Variants in PHACTR1 observed in about 807,000 individuals in gnomAD.
PHACTR1 encodes RPEL repeat containing 1.
In PHACTR1, 16 loss-of-function variants were observed where a neutral mutation model predicts 69.2. The observed-to-expected ratio is 0.23, with a 90% confidence interval of 0.16 to 0.35. PHACTR1 has a LOEUF of 0.35. PHACTR1 is among the 10% of genes least tolerant of loss of function. The probability of loss-of-function intolerance (pLI) is 1.00; values close to 1 mark genes in which losing one functional copy is unlikely to be tolerated. For missense variants in PHACTR1, 510 were observed against 734.7 expected, an observed-to-expected ratio of 0.69 and a Z score of 3.54; for synonymous variants, 312 against 284.5, an observed-to-expected ratio of 1.10 and a Z score of -0.97.
intron 4 of PHACTR1, among the ~76,000 whole-genome samples, chr6:12,791,569 C>T (rs990045103): frequency 2.0e-5 from 3 of 152,198 alleles, no homozygotes; most frequent in African/African-American, 4.8e-5. Context: ...AGAAATGATG[C>T]GTGGTGAAAT....
intron 4 of PHACTR1, among the ~76,000 whole-genome samples, chr6:12,792,640 C>G (rs1255588624): frequency 6.6e-6 from 1 of 151,968 alleles, no homozygotes; most frequent in Non-Finnish European, 1.5e-5. Context: ...CTATTTGTGT[C>G]TTAGAAACTA....
intron 5 of PHACTR1, among the ~76,000 whole-genome samples, chr6:13,107,771 A>G (rs1816403400): frequency 6.6e-6 from 1 of 152,016 alleles, no homozygotes; most frequent in Non-Finnish European, 1.5e-5. Context: ...TTTTATTCAT[A>G]ATCAGTTTTC....
At chr6:13,015,738 C>T (rs1237588539) in intron 4 of PHACTR1, among the ~76,000 whole-genome samples, 1 of 152,124 alleles carries the variant, frequency 6.6e-6, no homozygotes, top group Non-Finnish European at 1.5e-5. Context: ...ATGCGGTATA[C>T]CCCGTCAATG....
intron 10 of PHACTR1, among the ~76,000 whole-genome samples, chr6:13,258,093 C>G (rs1056725505): frequency 6.6e-6 from 1 of 152,146 alleles, no homozygotes; most frequent in Non-Finnish European, 1.5e-5. Context: ...AGCAGTGGCT[C>G]ATGCCTGTAA....
At chr6:12,844,459 C>A (rs529903308) in intron 4 of PHACTR1, among the ~76,000 whole-genome samples, 4 of 151,898 alleles carry the variant, frequency 2.6e-5, no homozygotes, top group Admixed American at 2.6e-4. Context: ...AACTATCGCA[C>A]TGTGAGGTCA....
chr6:13,191,431 A>G (rs1372437077), intron 7 of PHACTR1, among the ~76,000 whole-genome samples: 1 of 152,206 alleles, frequency 6.6e-6, no homozygotes, highest in Admixed American at 6.5e-5. Flanking sequence ...AGGAGGCAGA[A>G]AGCAAGGAGA....
At position 12,915,506 on chromosome 6, in the gene PHACTR1, C is replaced by CAAA. The variant is rs1225757251; in HGVS notation, c.251-137847_251-137845dup. 1.8e-3 allele frequency among the ~76,000 whole-genome samples: 91 copies of CAAA among 50,152 alleles called. 2 individuals carry two copies. The highest frequency in any genetic ancestry group is 2.7e-3 in the Non-Finnish European group (66 of 24,584). The allele number at this position is 50,152 out of a possible 152,430, so 32.9% of individuals were successfully genotyped here. ...TGGGTGATAGAGTGAAACTCTCTCT[C>CAAA]AAAAAAAAAAAAAAGAAAAAAAAAA... is the stretch of plus-strand genomic sequence containing the variant. On this transcript the variant is annotated intron_variant, in intron 4 of 14. Coordinates refer to ENST00000332995, the MANE Select transcript of PHACTR1 (RefSeq NM_030948.6).
At chr6:13,041,899 T>G (rs1424456250) in intron 4 of PHACTR1, among the ~76,000 whole-genome samples, 1 of 152,190 alleles carries the variant, frequency 6.6e-6, no homozygotes, top group Non-Finnish European at 1.5e-5. Context: ...GCAAATCCCT[T>G]GACTCCTCTG....
chr6:12,764,308 A>G, intron 4 of PHACTR1, among the ~76,000 whole-genome samples: 1 of 152,118 alleles, frequency 6.6e-6, no homozygotes, highest in East Asian at 1.9e-4. Context: ...GGCTAGTGCA[A>G]TTTTCTTTCT....
intron 8 of PHACTR1, among the ~76,000 whole-genome samples, chr6:13,215,777 T>C (rs1187496184): frequency 6.6e-6 from 1 of 152,234 alleles, no homozygotes; most frequent in South Asian, 2.1e-4. Context: ...TTAACTGTAA[T>C]GTGAAATTTT....
intron 7 of PHACTR1, among the ~76,000 whole-genome samples, chr6:13,196,068 C>T (rs1225378346): frequency 1.3e-5 from 2 of 149,934 alleles, no homozygotes; most frequent in South Asian, 2.3e-4. Flanking sequence ...TTTATGAATA[C>T]ACTGCATCTC....
At chr6:13,234,932 C>A (rs531097870) in intron 10 of PHACTR1, among the ~76,000 whole-genome samples, 3 of 152,232 alleles carry the variant, frequency 2.0e-5, no homozygotes, top group Admixed American at 2.0e-4. Context: ...GGGTGCCAGG[C>A]AAAAATTGTA....
At chr6:13,007,429 A>G (rs1798915808) in intron 4 of PHACTR1, among the ~76,000 whole-genome samples, 1 of 152,144 alleles carries the variant, frequency 6.6e-6, no homozygotes. Context: ...ATAATTTTCA[A>G]CCTCTACCTA....
intron 5 of PHACTR1, among the ~76,000 whole-genome samples, chr6:13,070,946 T>A (rs996845780): frequency 7.2e-5 from 11 of 151,942 alleles, no homozygotes; most frequent in African/African-American, 2.7e-4. Flanking sequence ...TAATGAGGAT[T>A]TGGAACTTGT....
At chr6:12,845,429 A>ACCCCCCCCCCCCCCC (rs1214194071) in intron 4 of PHACTR1, among the ~76,000 whole-genome samples, 1 of 18,028 alleles carries the variant, frequency 5.5e-5, no homozygotes, top group Non-Finnish European at 9.9e-5. Flanking sequence ...AACACCACCC[A>ACCCCCCCCCCCCCCC]CCCCCCCCCC....
intron 4 of PHACTR1, among the ~76,000 whole-genome samples, chr6:12,885,293 G>T (rs1489660879): frequency 2.0e-5 from 3 of 152,214 alleles, no homozygotes; most frequent in Non-Finnish European, 4.4e-5. Flanking sequence ...ACTTCTGGGG[G>T]AAGGCTGTCC....
At chr6:13,060,754 T>A (rs777883508) in intron 5 of PHACTR1, among the ~76,000 whole-genome samples, 2 of 149,570 alleles carry the variant, frequency 1.3e-5, no homozygotes, top group Non-Finnish European at 3.0e-5. Flanking sequence ...CATTCCAGAT[T>A]GATGATTATG....
At chr6:13,198,356 C>T (rs56094890) in intron 7 of PHACTR1, among the ~76,000 whole-genome samples, 5,976 of 152,128 alleles carry the variant, frequency 0.039, 357 homozygotes, top group African/African-American at 0.13. Context: ...CAGCCAGCCT[C>T]GGGATGATGG....
rs759527003 is a variant in PHACTR1 at position 12,754,088 on chromosome 6, G to A, written c.250+4298G>A. Among the ~76,000 whole-genome samples, 159 of 148,450 alleles carry A rather than the reference G, an allele frequency of 1.1e-3. 1 individual carries two copies. Among genetic ancestry groups the A allele is most frequent in the African/African-American group, 3.1e-3 (124 of 40,446 alleles). On this transcript the variant is annotated intron_variant, in intron 4 of 14. Transcript: ENST00000332995. Reference sequence around the variant, plus strand: ...TGCCATTCTCCTGCCTCAGCCTCCCGAGTAGCTGGGACTACAGGCACCTGC... The same window carrying A: ...TGCCATTCTCCTGCCTCAGCCTCCCAAGTAGCTGGGACTACAGGCACCTGC...
Sources: allele counts gnomAD v4.1 joint callset (sites outside exome capture counted in the v4.1 genomes callset), GRCh38; gene constraint gnomAD v4.1.1; transcripts MANE v1.5; gene names NCBI Gene and HGNC (gene_info 2026-07-23, HGNC 2026-07-21).